SUCO: variants seen among roughly 807,000 people sequenced by gnomAD.
The protein encoded by SUCO is SUN domain-containing ossification factor.
A neutral mutation model predicts 148.1 loss-of-function variants in SUCO; 57 were observed. The observed-to-expected ratio is 0.38, with a 90% CI of 0.31 to 0.48. The LOEUF (loss-of-function observed/expected upper bound fraction) is 0.48, where lower values mean the gene tolerates loss of function less well. Ranked by LOEUF, SUCO falls within the 20% of genes least tolerant of loss-of-function variation. The pLI is 0.96. For missense variants in SUCO, 1,331 were observed against 1,468.2 expected (o/e 0.91, Z 1.53); for synonymous variants, 470 against 502.7 (o/e 0.93, Z 0.87).
chr1:172,589,104 T>C lies in SUCO; in HGVS notation c.2003T>C (p.Leu668Pro), dbSNP rs116489281. The C allele has an allele frequency of 9.9e-5, 159 of 1,613,496 alleles. No homozygotes were observed. In the African/African-American group the frequency reaches 2.0e-3, roughly 20 times the overall value. ...GTGTTAGCTCAACCACCCTTACTAC[T>C]TCCTGCGGAATCAGTAGATGTTTCA... is the stretch of plus-strand genomic sequence containing the variant. ...YLVLAQPPLLLPAESVDVSVL... is the reference protein window; with the variant it reads ...YLVLAQPPLLPPAESVDVSVL... The change falls in exon 18 of 24, where the codon CTT becomes CCT. Residue 668 changes from leucine (L) to proline (P), a missense_variant. Coordinates refer to ENST00000263688, the MANE Select transcript of SUCO (RefSeq NM_014283.5).
chr1:172,560,475 T>C (rs1159358585), intron 6 of SUCO, among the ~76,000 whole-genome samples: 1 of 152,238 alleles, frequency 6.6e-6, no homozygotes, highest in African/African-American at 2.4e-5. Flanking sequence ...TATTGAGAAA[T>C]ACATTTGCCA....
rs995132055 is a variant in SUCO, at chr1:172,578,337, T to C, written c.1380T>C (p.Ile460=). 2 of 1,612,602 alleles carry C rather than the reference T, an allele frequency of 1.2e-6. No individual in the cohort carries two copies. Among genetic ancestry groups the C allele is most frequent in the African/African-American group, 2.7e-5 (2 of 74,864 alleles). ...GCATGGTGGAAGAATATGAAGAAAT[T>C]GCTGATTCCCAGTATCACTCAGAAC... ...GTSMVEEYEE[I]ADSQYHSERQ... The change falls in exon 14 of 24, where the codon ATT becomes ATC. Residue 460 remains isoleucine, a synonymous_variant. Coordinates refer to ENST00000263688, the MANE Select transcript of SUCO (RefSeq NM_014283.5).
chr1:172,573,846 G>A (rs1388480960), intron 9 of SUCO, 45 bp from the exon 10 acceptor site: 7 of 1,069,296 alleles, frequency 6.5e-6, no homozygotes, highest in Non-Finnish European at 8.5e-6. Flanking sequence ...AATATGAACT[G>A]TTATTTTGAT....
At chr1:172,573,805 C>T in intron 9 of SUCO, 86 bp from the exon 10 acceptor site, 1 of 737,536 alleles carries the variant, frequency 1.4e-6, no homozygotes, top group Non-Finnish European at 2.2e-6. Flanking sequence ...TAATGGTAGT[C>T]TAATTTATGG....
intron 8 of SUCO, chr1:172,570,420 A>AT (rs947508035): frequency 8.3e-5 from 41 of 491,500 alleles, no homozygotes; most frequent in African/African-American, 7.2e-4. Flanking sequence ...CTAAAATATT[A>AT]TTTTTTTCTT....
chr1:172,562,416 C>T (rs949940692), intron 6 of SUCO, among the ~76,000 whole-genome samples: 5 of 150,732 alleles, frequency 3.3e-5, no homozygotes, highest in Admixed American at 2.6e-4. Context: ...TCACTGCAAC[C>T]TCCGCCTCCC....
rs141615349 is a variant in SUCO at position 172,583,106 on chromosome 1, G to T, written c.1499-1912G>T. Among the ~76,000 whole-genome samples the T allele has an allele frequency of 5.4e-4, 82 of 152,134 alleles. 1 individual carries two copies. In the East Asian group the frequency reaches 0.013, roughly 24 times the overall value. On this transcript the variant is annotated intron_variant, in intron 15 of 23. Coordinates refer to ENST00000263688, the MANE Select transcript of SUCO (RefSeq NM_014283.5). The stretch of plus-strand genomic sequence containing the variant: ...TGACTATAGGTGGCAGTGTAGGTGG[G>T]GCATCATAAATAATATTGCAGTATT...
rs1657998106 is a variant in SUCO at position 172,608,481 on chromosome 1, C to A, written c.3266-266C>A. 1.4e-5 allele frequency: 6 copies of A among 442,604 alleles called. No homozygotes were observed. In the South Asian group the frequency reaches 1.5e-4, roughly 11 times the overall value. The allele number at this position is 442,604 out of a possible 1,614,324, so 27.4% of individuals were successfully genotyped here. A position where few individuals can be genotyped will look rare whatever the true frequency, so the allele number is the denominator to read the frequency against. On this transcript the variant is annotated intron_variant, in intron 22 of 23. Transcript: ENST00000263688. ...AGATCGTTATTGTATTGGTTGATAA[C>A]CAGCTACTAGTTAACAACTTAAGGA...
chr1:172,533,907 C>T (rs1241633586), intron 1 of SUCO, among the ~76,000 whole-genome samples: 1 of 152,034 alleles, frequency 6.6e-6, no homozygotes, highest in Non-Finnish European at 1.5e-5. Flanking sequence ...GTGATGCGTT[C>T]CGGACGTGCG....
At chr1:172,562,203 T>C (rs1003396859) in intron 6 of SUCO, among the ~76,000 whole-genome samples, 2 of 151,766 alleles carry the variant, frequency 1.3e-5, no homozygotes, top group Non-Finnish European at 2.9e-5. Context: ...TCACAGGAGC[T>C]CACAAAAAAA....
At chr1:172,546,348 A>G (rs1652854349) in intron 1 of SUCO, among the ~76,000 whole-genome samples, 1 of 152,200 alleles carries the variant, frequency 6.6e-6, no homozygotes, top group African/African-American at 2.4e-5. Context: ...CAGATAAATG[A>G]AAAGAAAGGT....
At chr1:172,602,603 A>G in intron 21 of SUCO, 93 bp from the exon 22 acceptor site, 1 of 1,543,146 alleles carries the variant, frequency 6.5e-7, no homozygotes, top group Non-Finnish European at 8.7e-7. Context: ...TGGTATGTAC[A>G]GTTCTCAATA....
At chr1:172,541,274 C>G (rs929971440) in intron 1 of SUCO, among the ~76,000 whole-genome samples, 3 of 151,950 alleles carry the variant, frequency 2.0e-5, no homozygotes, top group Middle Eastern at 3.4e-3. Flanking sequence ...CCTCTAGATA[C>G]TTATATGGAA....
intron 17 of SUCO, among the ~76,000 whole-genome samples, chr1:172,586,643 C>CAA (rs1349561720): frequency 6.6e-6 from 1 of 152,068 alleles, no homozygotes; most frequent in East Asian, 1.9e-4. Context: ...ACACTCCCTA[C>CAA]AAAACTTTGC....
intron 20 of SUCO, 38 bp downstream of exon 20, chr1:172,600,206 G>A (rs746937220): frequency 5.1e-6 from 7 of 1,377,546 alleles, no homozygotes; most frequent in Non-Finnish European, 7.1e-6. Context: ...CCCAATGCAT[G>A]TATAGAGGTT....
intron 22 of SUCO, 161 bp downstream of exon 22, chr1:172,602,948 T>C (rs375331215): frequency 3.3e-6 from 2 of 611,076 alleles, no homozygotes; most frequent in East Asian, 2.9e-5. Flanking sequence ...TTTTCACATT[T>C]TATATCTGTC....
chr1:172,565,369 C>T (rs111346615), intron 6 of SUCO, among the ~76,000 whole-genome samples: 5 of 152,286 alleles, frequency 3.3e-5, no homozygotes, highest in Admixed American at 2.0e-4. Flanking sequence ...AGTTGCAACT[C>T]GCTGTTAGGA....
At chr1:172,588,422 T>C in intron 17 of SUCO, 2 of 985,128 alleles carry the variant, frequency 2.0e-6, no homozygotes, top group Non-Finnish European at 2.4e-6. Context: ...ATTCAGTGAA[T>C]ATTTATGAGA....
At chr1:172,585,737 G>T in intron 16 of SUCO, 121 bp from the exon 17 acceptor site, 2 of 629,190 alleles carry the variant, frequency 3.2e-6, no homozygotes, top group East Asian at 2.7e-5. Context: ...TTAAGAAAAA[G>T]TCTGCAGTAG....
Sources: gnomAD v4.1 joint callset for allele counts (sites outside exome capture counted in the v4.1 genomes callset) on GRCh38, gnomAD v4.1.1 for gene constraint, MANE v1.5 for transcripts, NCBI Gene and HGNC (gene_info 2026-07-23, HGNC 2026-07-21) for gene names.